Variants in LRRC23 observed in about 807,000 individuals in gnomAD.
LRRC23 encodes leucine-rich repeat-containing protein 23.
Under a neutral mutation model 37.7 loss-of-function variants are expected in LRRC23, and 28 were observed. That is an observed-to-expected ratio of 0.74 (90% CI 0.55 to 1.02). The LOEUF (loss-of-function observed/expected upper bound fraction) is 1.02, where lower values mean the gene tolerates loss of function less well. LRRC23 is among the 50% of genes least tolerant of loss of function. The pLI is 0.00. For missense variants in LRRC23, 377 were observed against 413.2 expected, an observed-to-expected ratio of 0.91 and a Z score of 0.76; for synonymous variants, 161 against 165.4, an observed-to-expected ratio of 0.97 and a Z score of 0.20.
intron 6 of LRRC23, among the ~76,000 whole-genome samples, chr12:6,911,801 G>A (rs1200088822): frequency 6.6e-6 from 1 of 152,160 alleles, no homozygotes; most frequent in African/African-American, 2.4e-5. Flanking sequence ...TTGAGGCCAG[G>A]CGTTCAAGAC....
chr12:6,905,799 GGGGGTT>G (rs782702084), intron 2 of LRRC23, 40 bp downstream of exon 2: 2 of 1,613,164 alleles, frequency 1.2e-6, no homozygotes, highest in Non-Finnish European at 1.7e-6. Flanking sequence ...GGCTGAAGGA[GGGGGTT>G]GGGCAGGGGA....
rs782615091 is a variant in LRRC23 at position 6,911,681 on chromosome 12, T to C, written c.759-1049T>C. On this transcript the variant is annotated intron_variant, in intron 6 of 7. Transcript: ENST00000443597. ...ATGAGATCAGGCTGAAACACTTAAA[T>C]AGATTTCATAAAAGCTTAAAGCCAG... Among the ~76,000 whole-genome samples, 3 of 152,230 alleles carry C rather than the reference T, an allele frequency of 2.0e-5. No homozygotes were observed. The South Asian group carries it at 6.2e-4, about 32-fold the overall frequency.
intron 5 of LRRC23, among the ~76,000 whole-genome samples, chr12:6,908,295 G>T (rs1045215785): frequency 6.6e-6 from 1 of 151,844 alleles, no homozygotes; most frequent in African/African-American, 2.4e-5. Context: ...CGCTGGGGAG[G>T]GTCTTAAGAA....
Position 6,914,105 on chromosome 12 carries a change from C to T in LRRC23, c.*239C>T, listed in dbSNP as rs1330087068. ...GTTGCCTGGAGCCTAGGCCGGGGGC[C>T]GCCCTCGGGCAGGCGTGGGTGAGAG... On this transcript the variant is annotated 3_prime_UTR_variant, in exon 8 of 8. Coordinates refer to ENST00000443597, the MANE Select transcript of LRRC23 (RefSeq NM_001135217.2). This position sits in a 1 kb window ranked among gnomAD's most constrained non-coding sequence, Gnocchi z 7.1. 2.6e-6 allele frequency: 4 copies of T among 1,509,666 alleles called. No individual in the cohort carries two copies. The highest frequency in any genetic ancestry group is 3.5e-6 in the Non-Finnish European group (4 of 1,131,490). 93.5% of individuals were successfully genotyped at this position (1,509,666 alleles called of 1,614,324 possible).
At position 6,909,892 on chromosome 12, in the gene LRRC23, C is replaced by A; in HGVS notation, c.624C>A (p.Ala208=). 1 of 1,611,482 alleles carries A rather than the reference C, an allele frequency of 6.2e-7. No individual in the cohort carries two copies. Among genetic ancestry groups the A allele is most frequent in the Non-Finnish European group, 8.5e-7 (1 of 1,178,640 alleles). ...NLPKLKNLYL[A]QNMLKKVEGL... ...TCCACTGTGCCCTGGGGGTCTAGGC[C>A]CAAAACATGCTGAAGAAGGTGGAAG... Residue 208 remains alanine (A), a splice_region_variant and synonymous_variant, in exon 6 of 8, where the codon GCC becomes GCA. Coordinates refer to ENST00000443597, the MANE Select transcript of LRRC23 (RefSeq NM_001135217.2).
At chr12:6,909,724 T>C (rs1203566608) in intron 5 of LRRC23, among the ~76,000 whole-genome samples, 166 bp from the exon 6 acceptor site, 2 of 150,950 alleles carry the variant, frequency 1.3e-5, no homozygotes, top group Non-Finnish European at 2.9e-5. Flanking sequence ...CAGCTTCTCC[T>C]GAACTTCTTT....
rs1944983581 is a variant in LRRC23 at position 6,907,716 on chromosome 12, G to A, written c.621+271G>A. On this transcript the variant is annotated intron_variant, in intron 5 of 7. Coordinates refer to ENST00000443597, the MANE Select transcript of LRRC23 (RefSeq NM_001135217.2). ...AATTGAGGTACAAACATCAGTCTGT[G>A]GAAATGTTTTAGGAAAACCCTCCTC... 6.4e-5 allele frequency: 38 copies of A among 589,806 alleles called. 1 individual carries two copies. The South Asian group carries it at 7.8e-4, about 12-fold the overall frequency. The allele number at this position is 589,806 out of a possible 1,614,324, so 36.5% of individuals were successfully genotyped here. A position where few individuals can be genotyped will look rare whatever the true frequency, so the allele number is the denominator to read the frequency against.
intron 7 of LRRC23, 195 bp from the exon 8 acceptor site, chr12:6,913,696 C>T: frequency 3.0e-6 from 1 of 335,656 alleles, no homozygotes; most frequent in Admixed American, 4.5e-5. Context: ...TCCCGAGTAG[C>T]TGGGACTACA....
chr12:6,913,774 AG>A, intron 7 of LRRC23, 116 bp from the exon 8 acceptor site: 3 of 713,452 alleles, frequency 4.2e-6, no homozygotes, highest in Non-Finnish European at 6.7e-6. Flanking sequence ...CACGTTAGCC[AG>A]GATGGTCTGG....
At chr12:6,906,929 A>C (rs915419554) in intron 4 of LRRC23, among the ~76,000 whole-genome samples, 2 of 152,242 alleles carry the variant, frequency 1.3e-5, no homozygotes, top group Admixed American at 1.3e-4. Context: ...TTCATGTAGC[A>C]TGTTAAAAGG....
Position 6,905,968 on chromosome 12 carries a change from G to A in LRRC23, c.236+14G>A, listed in dbSNP as rs188178458. 200 of 1,606,796 alleles carry A rather than the reference G, an allele frequency of 1.2e-4. No homozygotes were observed. The African/African-American group carries it at 2.2e-3, about 18-fold the overall frequency. ...GGTTAAAGAGAGGTGCGTTTTGGGG[G>A]GACCAGATGAGGACTGTGAGACTGT... On this transcript the variant is annotated intron_variant, in intron 3 of 7. Transcript: ENST00000443597.
rs1555139739 is a variant in LRRC23, at chr12:6,907,223, A to G, written c.491-92A>G. The G allele has an allele frequency of 2.0e-6, 3 of 1,484,842 alleles. No homozygotes were observed. In the African/African-American group the frequency reaches 4.2e-5, roughly 21 times the overall value. 92.0% of individuals were successfully genotyped at this position (1,484,842 alleles called of 1,614,324 possible). ...TCCTCAGTATCTACCCTGCTTTGCGAATGGTAGGATGATTTAGAGGCTCCC... is the reference window on the plus strand; with the variant it reads ...TCCTCAGTATCTACCCTGCTTTGCGGATGGTAGGATGATTTAGAGGCTCCC... On this transcript the variant is annotated intron_variant, in intron 4 of 7. Coordinates refer to ENST00000443597, the MANE Select transcript of LRRC23 (RefSeq NM_001135217.2).
At chr12:6,910,060 A>G (rs781827119) in intron 6 of LRRC23, 34 bp downstream of exon 6, 69 of 1,567,866 alleles carry the variant, frequency 4.4e-5, no homozygotes, top group Non-Finnish European at 5.2e-5. Flanking sequence ...CCTTGCCCCT[A>G]CCCCTGACCA....
In LRRC23 at chr12:6,914,224, GT is replaced by G. The variant is rs1945261224; in HGVS notation, c.*359del. ...TTCGGATTTCCAATAAAGAAACAGA[GT>G]GATGCTCCTGTGTCTGACCGGGTTT... On this transcript the variant is annotated 3_prime_UTR_variant, in exon 8 of 8. Transcript: ENST00000443597. The surrounding 1 kb of genome is among the most constrained non-coding windows in gnomAD (Gnocchi z 7.1). 1.6e-6 allele frequency: 1 copy of G among 626,860 alleles called. No homozygotes were observed. Among genetic ancestry groups the G allele is most frequent in the African/African-American group, 1.9e-5 (1 of 53,768 alleles). The allele number at this position is 626,860 out of a possible 1,614,324, so 38.8% of individuals were successfully genotyped here.
intron 5 of LRRC23, among the ~76,000 whole-genome samples, chr12:6,908,206 T>C (rs1248489585): frequency 6.6e-6 from 1 of 152,130 alleles, no homozygotes; most frequent in Admixed American, 6.6e-5. Context: ...CCAGAAGCTC[T>C]CTGGACCCAG....
chr12:6,905,723 G>C lies in LRRC23; in HGVS notation c.90G>C (p.Glu30Asp). 6.2e-7 allele frequency: 1 copy of C among 1,612,976 alleles called. No homozygotes were observed. Among genetic ancestry groups the C allele is most frequent in the Non-Finnish European group, 8.5e-7 (1 of 1,179,462 alleles). The stretch of plus-strand genomic sequence containing the variant: ...ACGAGAAGGAGACAGAGGAGGGGGA[G>C]GACTACAGAAAAGAGGGGGAAGAGT... ...EEDEKETEEGEDYRKEGEEFP... is the reference protein window; with the variant it reads ...EEDEKETEEGDDYRKEGEEFP... Residue 30 changes from glutamate (E) to aspartate (D), a missense_variant, in exon 2 of 8, where the codon GAG becomes GAC. Transcript: ENST00000443597.
chr12:6,908,625 A>G (rs1555140054), intron 5 of LRRC23, among the ~76,000 whole-genome samples: 1 of 136,704 alleles, frequency 7.3e-6, no homozygotes, highest in Non-Finnish European at 1.5e-5. Context: ...AAAAAACCAA[A>G]GAAAAACACG....
At chr12:6,909,209 T>G (rs1378961472) in intron 5 of LRRC23, among the ~76,000 whole-genome samples, 1 of 17,422 alleles carries the variant, frequency 5.7e-5, no homozygotes, top group African/African-American at 7.0e-4. Flanking sequence ...TATATAATTA[T>G]ATATAATATA....
At chr12:6,910,310 ATGGTGG>A (rs1945127989) in intron 6 of LRRC23, among the ~76,000 whole-genome samples, 1 of 152,166 alleles carries the variant, frequency 6.6e-6, no homozygotes, top group Non-Finnish European at 1.5e-5. Context: ...GAGGCTGGGC[ATGGTGG>A]TTCATGCCTG....
Sources: gnomAD v4.1 joint callset for allele counts (sites outside exome capture counted in the v4.1 genomes callset) on GRCh38, gnomAD v4.1.1 for gene constraint, Gnocchi (gnomAD v3.1) non-coding constraint, MANE v1.5 for transcripts, NCBI Gene and HGNC (gene_info 2026-07-23, HGNC 2026-07-21) for gene names.